ANXA4: variants seen among roughly 807,000 people sequenced by gnomAD.
ANXA4 encodes the protein 35-beta calcimedin.
ANXA4 carries 39 observed loss-of-function variants against 49.8 expected under a neutral mutation model. The ratio of observed to expected loss-of-function variants is 0.78; its 90% CI spans 0.61 to 1.02. ANXA4 has a LOEUF of 1.02. Ranked by LOEUF, ANXA4 falls within the 50% of genes least tolerant of loss-of-function variation. The pLI, the probability that ANXA4 is intolerant of heterozygous loss-of-function variation, is 0.00. For synonymous variants in ANXA4, 134 were observed against 152.5 expected (o/e 0.88, Z 0.89); for missense variants, 360 against 410.1 (o/e 0.88, Z 1.05).
chr2:69,820,639 A>G, intron 11 of ANXA4, 60 bp from the exon 12 acceptor site: 1 of 1,598,730 alleles, frequency 6.3e-7, no homozygotes, highest in Non-Finnish European at 8.5e-7. Context: ...GATAGACTAA[A>G]GAAGACACTG....
chr2:69,825,019 A>G (rs1312839430), intron 12 of ANXA4, among the ~76,000 whole-genome samples: 1 of 141,658 alleles, frequency 7.1e-6, no homozygotes, highest in Admixed American at 7.1e-5. Flanking sequence ...GTGAGTCAAG[A>G]TGGCGCCACT....
intron 3 of ANXA4, among the ~76,000 whole-genome samples, chr2:69,727,924 C>T (rs983538441): frequency 7.2e-5 from 11 of 152,166 alleles, no homozygotes; most frequent in Non-Finnish European, 1.5e-5. Flanking sequence ...GTCTGTCTTT[C>T]GTGACCTTAA....
chr2:69,822,081 C>A (rs140925018), intron 12 of ANXA4, among the ~76,000 whole-genome samples: 42 of 152,194 alleles, frequency 2.8e-4, no homozygotes, highest in Middle Eastern at 3.4e-3. Context: ...TTAATATAGA[C>A]CAGGCATCGT....
intron 1 of ANXA4, among the ~76,000 whole-genome samples, chr2:69,744,594 C>T (rs984776213): frequency 1.3e-5 from 2 of 152,130 alleles, no homozygotes; most frequent in African/African-American, 4.8e-5. Flanking sequence ...CTGCAGTGTC[C>T]TCCCTGGAGC....
In ANXA4 at chr2:69,714,391, GAATAC is replaced by G. The variant is rs1407013056; in HGVS notation, n.767-6380_767-6376del. ...GATTTCAAATATAAACGACTCTATAGAATACAAGCACCTACTCCTGGCAACCGAAG... is the reference window on the plus strand; with the variant it reads ...GATTTCAAATATAAACGACTCTATAGAAGCACCTACTCCTGGCAACCGAAG... On this transcript the variant is annotated intron_variant and non_coding_transcript_variant, in intron 2 of 3. Coordinates refer to the ANXA4 transcript ENST00000418066. Among the ~76,000 whole-genome samples the G allele has an allele frequency of 3.9e-5, 6 of 152,314 alleles. No individual in the cohort carries two copies. The East Asian group carries it at 1.2e-3, about 29-fold the overall frequency.
At chr2:69,657,538 T>G (rs1676551865) in intron 2 of ANXA4, among the ~76,000 whole-genome samples, 1 of 152,214 alleles carries the variant, frequency 6.6e-6, no homozygotes, top group South Asian at 2.1e-4. Flanking sequence ...TTCACATTAT[T>G]GCTTTTTCTT....
upstream of ANXA4, chr2:69,643,863 G>A (rs1675880674): frequency 8.5e-7 from 1 of 1,178,246 alleles, no homozygotes; most frequent in African/African-American, 1.6e-5. Context: ...TCCTGCAACC[G>A]CCGTTCTGTC....
At chr2:69,741,490 A>T (rs1469019977), upstream of ANXA4, among the ~76,000 whole-genome samples, 2 of 152,154 alleles carry the variant, frequency 1.3e-5, no homozygotes, top group African/African-American at 4.8e-5. Flanking sequence ...CCTAACTCCT[A>T]CTCCAAAGCT....
chr2:69,823,396 GATAAAA>G (rs1410361404), intron 12 of ANXA4, among the ~76,000 whole-genome samples: 1 of 151,392 alleles, frequency 6.6e-6, no homozygotes, highest in African/African-American at 2.4e-5. Context: ...AATGACAAAA[GATAAAA>G]ATAAAAGTTA....
At chr2:69,671,452 C>T (rs1158934361) in intron 2 of ANXA4, among the ~76,000 whole-genome samples, 2 of 152,230 alleles carry the variant, frequency 1.3e-5, no homozygotes, top group African/African-American at 2.4e-5. Flanking sequence ...CATGGTGGCT[C>T]ATGCCCATAA....
At chr2:69,670,473 A>C (rs543499859) in intron 2 of ANXA4, among the ~76,000 whole-genome samples, 110 of 151,920 alleles carry the variant, frequency 7.2e-4, no homozygotes, top group Admixed American at 1.4e-3. Context: ...AAATGAGACA[A>C]ATGCTAAAAT....
chr2:69,801,507 T>C (rs528096507), intron 3 of ANXA4, among the ~76,000 whole-genome samples: 4 of 151,820 alleles, frequency 2.6e-5, no homozygotes, highest in Non-Finnish European at 5.9e-5. Flanking sequence ...CGGGTTCAAG[T>C]GATTCTCATG....
chr2:69,648,324 G>A (rs946399331), intron 1 of ANXA4, among the ~76,000 whole-genome samples: 3 of 152,172 alleles, frequency 2.0e-5, no homozygotes, highest in African/African-American at 7.2e-5. Context: ...CACCATATGG[G>A]CTTTCTATGT....
At position 69,813,508 on chromosome 2, in the gene ANXA4, C is replaced by G. The variant is rs189730176; in HGVS notation, c.534+799C>G. On this transcript the variant is annotated intron_variant, in intron 8 of 12. Transcript: ENST00000394295. ...TCTGGTGATCCGCCTGCCTTGGCCT[C>G]CCAAAGTGCTGGGATTACAGGCATG... Among the ~76,000 whole-genome samples, 811 of 152,174 alleles carry G rather than the reference C, an allele frequency of 5.3e-3. 10 individuals are homozygous for G. The highest frequency in any genetic ancestry group is 0.018 in the African/African-American group (749 of 41,524).
chr2:69,701,316 A>G (rs572886613), intron 2 of ANXA4, among the ~76,000 whole-genome samples: 43 of 152,114 alleles, frequency 2.8e-4, no homozygotes, highest in Non-Finnish European at 5.7e-4. Flanking sequence ...TCTTTTCCTC[A>G]TCTCGGACTG....
At chr2:69,712,074 T>G (rs1432292789) in intron 2 of ANXA4, among the ~76,000 whole-genome samples, 1 of 152,112 alleles carries the variant, frequency 6.6e-6, no homozygotes, top group Non-Finnish European at 1.5e-5. Flanking sequence ...CTGGGGGGTC[T>G]TAGACACCAT....
intron 2 of ANXA4, among the ~76,000 whole-genome samples, chr2:69,654,288 C>G (rs180776427): frequency 2.0e-5 from 3 of 152,258 alleles, no homozygotes; most frequent in African/African-American, 7.2e-5. Flanking sequence ...CTTTCTATTG[C>G]CTGATTGCCC....
chr2:69,780,738 A>T (rs1390852767), intron 1 of ANXA4, among the ~76,000 whole-genome samples: 1 of 152,092 alleles, frequency 6.6e-6, no homozygotes, highest in Non-Finnish European at 1.5e-5. Flanking sequence ...GGAGACCCTG[A>T]CTCAAAAAAA....
At chr2:69,654,720 A>G (rs1331150745) in intron 2 of ANXA4, among the ~76,000 whole-genome samples, 1 of 152,074 alleles carries the variant, frequency 6.6e-6, no homozygotes, top group East Asian at 1.9e-4. Context: ...GATAGCCAAG[A>G]CAATCCTAAG....
Sources: allele counts gnomAD v4.1 joint callset (sites outside exome capture counted in the v4.1 genomes callset), GRCh38; gene constraint gnomAD v4.1.1; transcripts MANE v1.5; gene names NCBI Gene and HGNC (gene_info 2026-07-23, HGNC 2026-07-21).